The following ITPK1 variants were observed in gnomAD, a reference collection of about 807,000 sequenced individuals.
ITPK1 encodes the protein inositol-tetrakisphosphate 1-kinase.
ITPK1 carries 21 observed loss-of-function variants against 45.3 expected under a neutral mutation model. The ratio of observed to expected loss-of-function variants is 0.46; its 90% CI spans 0.33 to 0.67. The LOEUF (loss-of-function observed/expected upper bound fraction) is 0.67, where lower values mean the gene tolerates loss of function less well. Ranked by LOEUF, ITPK1 falls within the 30% of genes least tolerant of loss-of-function variation. ITPK1 has a pLI of 0.02. For synonymous variants in ITPK1, 258 were observed against 253.6 expected (o/e 1.02, Z -0.16); for missense variants, 474 against 573.5 (o/e 0.83, Z 1.77).
At chr14:93,025,445 G>A (rs570413007) in intron 3 of ITPK1, among the ~76,000 whole-genome samples, 4 of 152,142 alleles carry the variant, frequency 2.6e-5, no homozygotes, top group East Asian at 3.9e-4. Flanking sequence ...ATCAGCCCAC[G>A]GTTTTCTCAA....
At chr14:92,988,534 C>T (rs926896417) in intron 5 of ITPK1, among the ~76,000 whole-genome samples, 1 of 152,202 alleles carries the variant, frequency 6.6e-6, no homozygotes, top group African/African-American at 2.4e-5. Context: ...GATGGCCATG[C>T]CACCAGCACC....
chr14:92,973,442 T>G (rs1160071270), intron 5 of ITPK1, among the ~76,000 whole-genome samples: 1 of 152,232 alleles, frequency 6.6e-6, no homozygotes, highest in Non-Finnish European at 1.5e-5. Context: ...GGAACAGCCT[T>G]GAAGATGGCT....
At chr14:93,071,411 G>A (rs1230107283) in intron 3 of ITPK1, 1 of 152,246 alleles carries the variant, frequency 6.6e-6, no homozygotes, top group African/African-American at 2.4e-5. Context: ...AGTAAACAGG[G>A]TAATGTTCTG....
chr14:93,019,370 C>T (rs1240420605), intron 3 of ITPK1, among the ~76,000 whole-genome samples: 1 of 152,222 alleles, frequency 6.6e-6, no homozygotes, highest in Non-Finnish European at 1.5e-5. Context: ...GGCCCGTAGA[C>T]CTGACAACCG....
chr14:92,956,534 C>T (rs1253846241), intron 8 of ITPK1, among the ~76,000 whole-genome samples: 1 of 151,164 alleles, frequency 6.6e-6, no homozygotes, highest in Non-Finnish European at 1.5e-5. Context: ...TAGGAGCCCA[C>T]ACTCTGCTGT....
chr14:92,949,738 C>A (rs919829403), intron 9 of ITPK1, among the ~76,000 whole-genome samples: 1 of 152,240 alleles, frequency 6.6e-6, no homozygotes, highest in South Asian at 2.1e-4. Context: ...CCATGGCACG[C>A]CATTTACAAA....
intron 9 of ITPK1, among the ~76,000 whole-genome samples, chr14:92,948,024 C>G (rs902921570): frequency 3.3e-5 from 5 of 152,198 alleles, no homozygotes; most frequent in African/African-American, 1.2e-4. Flanking sequence ...AAGGAATGAA[C>G]TTCTGACATA....
Position 93,036,246 on chromosome 14 carries a change from A to G in ITPK1, c.121-19445T>C, listed in dbSNP as rs1889312764. On this transcript the variant is annotated intron_variant, in intron 3 of 10. Coordinates refer to ENST00000267615, the MANE Select transcript of ITPK1 (RefSeq NM_014216.6). The surrounding 1 kb of genome is among the most constrained non-coding windows in gnomAD (Gnocchi z 4.1). ...TCCTACTGGGAAGGGCCGCTCCTAT[A>G]GCAACCAGCCCTGCCCCAGGAGGTC... 6.6e-6 allele frequency among the ~76,000 whole-genome samples: 1 copy of G among 152,174 alleles called. No homozygotes were observed. The highest frequency in any genetic ancestry group is 2.4e-5 in the African/African-American group (1 of 41,432).
intron 5 of ITPK1, among the ~76,000 whole-genome samples, chr14:92,965,998 C>T (rs1885334265): frequency 6.6e-6 from 1 of 152,162 alleles, no homozygotes; most frequent in Admixed American, 6.5e-5. Flanking sequence ...AGCGAAACTC[C>T]ATATCAAAAA....
intron 4 of ITPK1, among the ~76,000 whole-genome samples, chr14:92,995,244 G>A (rs941120346): frequency 3.9e-5 from 6 of 152,274 alleles, no homozygotes; most frequent in East Asian, 3.9e-4. Flanking sequence ...ACATGCCAGC[G>A]TGATTCCTCC....
rs1887220979 is a variant in ITPK1, at chr14:92,938,701, C to G, written c.*2860G>C. 2 of 623,344 alleles carry G rather than the reference C, an allele frequency of 3.2e-6. No individual in the cohort carries two copies. Among genetic ancestry groups the G allele is most frequent in the Non-Finnish European group, 5.8e-6 (2 of 347,004 alleles). 38.6% of individuals were successfully genotyped at this position (623,344 alleles called of 1,614,324 possible). On this transcript the variant is annotated 3_prime_UTR_variant, in exon 11 of 11. Transcript: ENST00000267615. The stretch of plus-strand genomic sequence containing the variant: ...CCCAGCCCACCCACCACGTGTGGAC[C>G]CAGACACCTCCATGACACCAAGGGC...
At position 93,016,768 on chromosome 14, in the gene ITPK1, G is replaced by A. The variant is rs1183985457; in HGVS notation, c.154C>T (p.Pro52Ser). 1.2e-6 allele frequency: 2 copies of A among 1,614,116 alleles called. No homozygotes were observed. The highest frequency in any genetic ancestry group is 3.3e-5 in the Admixed American group (2 of 60,014). ...AGCTTGTGGATGATGACGTCCAGGG[G>A]GCCCTGCTCCTCGATCGGCCGGCTA... is the stretch of plus-strand genomic sequence containing the variant. ...NLSRPIEEQG[P>S]LDVIIHKLTD... Residue 52 changes from proline to serine, a missense_variant, in exon 4 of 11, where the codon CCC becomes TCC. Transcript: ENST00000267615. The surrounding 1 kb of genome is among the most constrained non-coding windows in gnomAD (Gnocchi z 5.0).
chr14:93,000,103 G>C (rs1412151498), intron 4 of ITPK1, among the ~76,000 whole-genome samples: 1 of 152,226 alleles, frequency 6.6e-6, no homozygotes, highest in Non-Finnish European at 1.5e-5. Context: ...AGATGAAATA[G>C]TACTTCACGG....
chr14:92,958,469 CCCTGGT>C lies in ITPK1; in HGVS notation c.505-109_505-104del, dbSNP rs1358885142. 2 of 1,151,332 alleles carry C rather than the reference CCCTGGT, an allele frequency of 1.7e-6. No individual in the cohort carries two copies. The highest frequency in any genetic ancestry group is 4.9e-5 in the East Asian group (2 of 40,550). The allele number at this position is 1,151,332 out of a possible 1,614,324, so 71.3% of individuals were successfully genotyped here. A position where few individuals can be genotyped will look rare whatever the true frequency, so the allele number is the denominator to read the frequency against. On this transcript the variant is annotated intron_variant, in intron 7 of 10. Transcript: ENST00000267615. This position sits in a 1 kb window ranked among gnomAD's most constrained non-coding sequence, Gnocchi z 4.4. ...CCAGAGCACCTCCACCAAGGCCCAT[CCCTGGT>C]CCTGTGGCATGAGGACTCCCCTAGA...
chr14:93,101,383 G>A (rs927405603), intron 2 of ITPK1, among the ~76,000 whole-genome samples: 1 of 152,250 alleles, frequency 6.6e-6, no homozygotes, highest in African/African-American at 2.4e-5. Context: ...TGACACAGGT[G>A]AGTAAGGGGC....
chr14:93,059,778 C>G (rs1367926162), intron 3 of ITPK1, among the ~76,000 whole-genome samples: 1 of 47,802 alleles, frequency 2.1e-5, no homozygotes, highest in Non-Finnish European at 3.7e-5. Context: ...GGAGGGGGTG[C>G]TGGTCACGAG....
intron 7 of ITPK1, among the ~76,000 whole-genome samples, chr14:92,960,680 T>C (rs1175250111): frequency 6.6e-6 from 1 of 152,210 alleles, no homozygotes; most frequent in Non-Finnish European, 1.5e-5. Flanking sequence ...CGTGCTTCCA[T>C]CTGGGAACAC....
At chr14:93,075,875 C>T (rs748920488) in intron 3 of ITPK1, among the ~76,000 whole-genome samples, 12 of 152,152 alleles carry the variant, frequency 7.9e-5, no homozygotes, top group Non-Finnish European at 1.3e-4. Context: ...TCACCCTCCA[C>T]GGGGACAGCG....
chr14:93,044,434 T>A (rs868061000), intron 3 of ITPK1, among the ~76,000 whole-genome samples: 2 of 152,170 alleles, frequency 1.3e-5, no homozygotes, highest in Non-Finnish European at 2.9e-5. Flanking sequence ...AAGTCTAGCA[T>A]AAAAATTAAA....
Sources: gnomAD v4.1 joint callset for allele counts (sites outside exome capture counted in the v4.1 genomes callset) on GRCh38, gnomAD v4.1.1 for gene constraint, Gnocchi (gnomAD v3.1) non-coding constraint, MANE v1.5 for transcripts, NCBI Gene and HGNC (gene_info 2026-07-23, HGNC 2026-07-21) for gene names.